ADAMTSL1: variants seen among roughly 807,000 people sequenced by gnomAD.
ADAMTSL1 encodes the protein ADAMTS like 1.
Under a neutral mutation model 201.8 loss-of-function variants are expected in ADAMTSL1, and 126 were observed. That is an observed-to-expected ratio of 0.62 (90% confidence interval 0.54 to 0.72). The LOEUF is 0.72. Among genes scored for constraint, ADAMTSL1 ranks in the 30% least tolerant of loss-of-function variants. ADAMTSL1 has a pLI of 0.00. For missense variants in ADAMTSL1, 2,679 were observed against 2,277.8 expected (o/e 1.18, Z -3.59); for synonymous variants, 1,121 against 903.4 (o/e 1.24, Z -4.32).
At chr9:18,215,402 GAAGAC>G (rs1830023391) in intron 2 of ADAMTSL1, among the ~76,000 whole-genome samples, 2 of 152,102 alleles carry the variant, frequency 1.3e-5, no homozygotes, top group Non-Finnish European at 2.9e-5. Context: ...TTATAAAAAT[GAAGAC>G]AAGAAATATT....
chr9:18,537,487 G>T (rs1461276148), intron 3 of ADAMTSL1, among the ~76,000 whole-genome samples: 1 of 152,118 alleles, frequency 6.6e-6, no homozygotes, highest in Admixed American at 6.6e-5. Flanking sequence ...AGTATTGGAA[G>T]ATAAGAAAAA....
chr9:18,315,078 T>G (rs1834324428), intron 2 of ADAMTSL1, among the ~76,000 whole-genome samples: 1 of 152,072 alleles, frequency 6.6e-6, no homozygotes, highest in Non-Finnish European at 1.5e-5. Context: ...TTTTATTCCC[T>G]TATCTGACCC....
At chr9:18,305,159 A>G (rs1429841078) in intron 2 of ADAMTSL1, among the ~76,000 whole-genome samples, 1 of 152,206 alleles carries the variant, frequency 6.6e-6, no homozygotes, top group Non-Finnish European at 1.5e-5. Flanking sequence ...GCCATGAGCA[A>G]CACTGCACTC....
intron 2 of ADAMTSL1, among the ~76,000 whole-genome samples, chr9:18,334,126 A>C (rs1209407777): frequency 1.3e-5 from 2 of 152,156 alleles, no homozygotes; most frequent in Non-Finnish European, 2.9e-5. Flanking sequence ...AGTGATTAAT[A>C]TTACTTACTT....
At chr9:18,079,454 G>A (rs926524510) in intron 1 of ADAMTSL1, among the ~76,000 whole-genome samples, 20 of 152,004 alleles carry the variant, frequency 1.3e-4, no homozygotes, top group South Asian at 4.2e-4. Context: ...CGAGGTGGGC[G>A]GATCACGAGG....
chr9:18,842,038 T>G (rs1205267868), intron 23 of ADAMTSL1, among the ~76,000 whole-genome samples: 4 of 151,254 alleles, frequency 2.6e-5, no homozygotes. Flanking sequence ...TCTATTTCCT[T>G]CAGTTCTGCT....
At chr9:18,300,241 G>C (rs1452028413) in intron 2 of ADAMTSL1, among the ~76,000 whole-genome samples, 1 of 152,170 alleles carries the variant, frequency 6.6e-6, no homozygotes, top group African/African-American at 2.4e-5. Flanking sequence ...ACTGGATTAA[G>C]AAAATGTGGC....
intron 23 of ADAMTSL1, among the ~76,000 whole-genome samples, chr9:18,873,363 G>T (rs1458620760): frequency 6.6e-6 from 1 of 152,118 alleles, no homozygotes; most frequent in Non-Finnish European, 1.5e-5. Context: ...TGGTCATGAA[G>T]TCTTTGCTGA....
At chr9:18,751,361 A>G (rs966464526) in intron 15 of ADAMTSL1, among the ~76,000 whole-genome samples, 12 of 152,240 alleles carry the variant, frequency 7.9e-5, no homozygotes, top group Admixed American at 3.9e-4. Flanking sequence ...GAGGCTCTAG[A>G]GCCAGAAACA....
chr9:18,259,744 C>T (rs1428517608), intron 2 of ADAMTSL1, among the ~76,000 whole-genome samples: 2 of 152,038 alleles, frequency 1.3e-5, no homozygotes, highest in Admixed American at 1.3e-4. Context: ...GCCTAATGCG[C>T]TTGTAAGATG....
At chr9:18,893,948 C>T (rs759486188) in intron 26 of ADAMTSL1, among the ~76,000 whole-genome samples, 2 of 152,206 alleles carry the variant, frequency 1.3e-5, no homozygotes, top group South Asian at 2.1e-4. Context: ...ATCCAACATA[C>T]ATTTATGGGA....
intron 1 of ADAMTSL1, among the ~76,000 whole-genome samples, chr9:18,029,766 A>G (rs1425863772): frequency 1.3e-5 from 2 of 152,258 alleles, no homozygotes; most frequent in East Asian, 3.8e-4. Context: ...TCAAAAGAAG[A>G]CATGTATGTA....
chr9:18,355,344 A>C (rs1439107048), intron 2 of ADAMTSL1, among the ~76,000 whole-genome samples: 7 of 152,202 alleles, frequency 4.6e-5, no homozygotes, highest in Non-Finnish European at 8.8e-5. Context: ...AAAGTAGGCT[A>C]CATGTAGCCT....
At chr9:18,347,411 G>A (rs4961641) in intron 2 of ADAMTSL1, among the ~76,000 whole-genome samples, 41,391 of 151,692 alleles carry the variant, frequency 0.27, 6,374 homozygotes, top group East Asian at 0.46. Flanking sequence ...TCAATTCTAA[G>A]GAACTGAAGT....
chr9:18,673,363 A>G (rs757388617), intron 9 of ADAMTSL1, among the ~76,000 whole-genome samples: 3 of 152,214 alleles, frequency 2.0e-5, no homozygotes, highest in East Asian at 1.9e-4. Flanking sequence ...GTACACGAAT[A>G]TGTATTAGCA....
chr9:18,435,125 T>C (rs1254420449), intron 2 of ADAMTSL1, among the ~76,000 whole-genome samples: 3 of 152,226 alleles, frequency 2.0e-5, no homozygotes, highest in Non-Finnish European at 2.9e-5. Flanking sequence ...TTATACAGTC[T>C]AGTAATTCTT....
At chr9:17,957,444 T>C (rs1054334999) in intron 1 of ADAMTSL1, among the ~76,000 whole-genome samples, 1 of 152,196 alleles carries the variant, frequency 6.6e-6, no homozygotes, top group African/African-American at 2.4e-5. Flanking sequence ...CATTGCCTTA[T>C]AGCTTTTTGG....
At chr9:18,261,138 G>C (rs1474962612) in intron 2 of ADAMTSL1, among the ~76,000 whole-genome samples, 2 of 151,528 alleles carry the variant, frequency 1.3e-5, no homozygotes, top group Non-Finnish European at 2.9e-5. Context: ...GAAAGTGATA[G>C]AGAGTGGCAG....
rs955198710 is a variant in ADAMTSL1, at chr9:17,978,538, C to T, written c.87+71616C>T. Among the ~76,000 whole-genome samples, 4 of 152,060 alleles carry T rather than the reference C, an allele frequency of 2.6e-5. No individual in the cohort carries two copies. In the South Asian group the frequency reaches 6.2e-4, roughly 24 times the overall value. On this transcript the variant is annotated intron_variant, in intron 1 of 29. Coordinates refer to the ADAMTSL1 transcript ENST00000680146. ...GTAACACCTTATTTTATGCTAATAACTTAACTTTGATTGCTTATGAAAACA... is the reference window on the plus strand; with the variant it reads ...GTAACACCTTATTTTATGCTAATAATTTAACTTTGATTGCTTATGAAAACA...
Sources: allele counts gnomAD v4.1 joint callset (sites outside exome capture counted in the v4.1 genomes callset), GRCh38; gene constraint gnomAD v4.1.1; transcripts MANE v1.5; gene names NCBI Gene and HGNC (gene_info 2026-07-23, HGNC 2026-07-21).